The following SHROOM4 variants were observed in gnomAD, a reference collection of about 807,000 sequenced individuals.
SHROOM4 encodes the protein protein Shroom4.
In SHROOM4, 17 loss-of-function variants were observed where a neutral mutation model predicts 80.3. The ratio of observed to expected loss-of-function variants is 0.21; its 90% CI spans 0.14 to 0.32. The LOEUF is 0.32. Ranked by LOEUF, SHROOM4 falls within the 10% of genes least tolerant of loss-of-function variation. SHROOM4 has a pLI of 1.00. For synonymous variants in SHROOM4, 400 were observed against 437.5 expected (o/e 0.91, Z 1.07); for missense variants, 993 against 1,140.3 (o/e 0.87, Z 1.86).
intron 1 of SHROOM4, among the ~76,000 whole-genome samples, chrX:50,750,503 C>T (rs1169131405): frequency 8.9e-6 from 1 of 111,929 alleles, no homozygotes; most frequent in African/African-American, 3.2e-5. Context: ...CTCAGGTGAT[C>T]CACTCGCCTC....
intron 1 of SHROOM4, among the ~76,000 whole-genome samples, chrX:50,719,210 A>G (rs1934042669): frequency 8.9e-6 from 1 of 111,953 alleles, no homozygotes; most frequent in Non-Finnish European, 1.9e-5. Context: ...AGTCCTTCAA[A>G]GAGAAAGGAC....
At chrX:50,580,052 C>T in the SHROOM4 span, among the ~76,000 whole-genome samples, 33 of 111,744 alleles carry the variant, frequency 3.0e-4, no homozygotes, top group African/African-American at 9.8e-4. Flanking sequence ...TCTCACTTCT[C>T]CCTCACATCC....
chrX:50,652,482 G>C (rs183089952), intron 2 of SHROOM4, among the ~76,000 whole-genome samples: 2 of 111,627 alleles, frequency 1.8e-5, no homozygotes, highest in South Asian at 3.7e-4. Flanking sequence ...CCCTTTGTCA[G>C]ATGGATAGAT....
chrX:50,626,656 G>A (rs782545909), intron 5 of SHROOM4, among the ~76,000 whole-genome samples: 21 of 111,714 alleles, frequency 1.9e-4, no homozygotes, highest in Admixed American at 1.5e-3. Context: ...TTTCAATTGC[G>A]CAATCAAGTT....
intron 2 of SHROOM4, among the ~76,000 whole-genome samples, chrX:50,672,648 A>G (rs1932809674): frequency 9.0e-6 from 1 of 110,963 alleles, no homozygotes; most frequent in Admixed American, 9.6e-5. Flanking sequence ...ACTTCCCCAA[A>G]TTTGGCAAAA....
Position 50,598,530 on chromosome X carries a change from C to G in SHROOM4, c.3948G>C (p.Gln1316His), listed in dbSNP as rs1557247104. ...VDHELAQKKI[Q>H]LIESISRKLS... is the part of the protein sequence containing the mutation. ...GTTTTCTGCTGATGCTTTCGATAAG[C>G]TGTATCTAGGGGAATTAAACAGGAG... Residue 1316 changes from glutamine to histidine, a missense_variant, in exon 8 of 9, where the codon CAG (glutamine) becomes CAC (histidine). By Grantham distance (24) the Gln-to-His change is conservative (BLOSUM62 0). Coordinates refer to ENST00000376020, the MANE Select transcript of SHROOM4 (RefSeq NM_020717.5). The G allele has an allele frequency of 8.3e-7, 1 of 1,202,652 alleles. No individual in the cohort carries two copies. The highest frequency in any genetic ancestry group is 1.1e-6 in the Non-Finnish European group (1 of 891,315).
chrX:50,666,063 C>T (rs1932678825), intron 2 of SHROOM4, among the ~76,000 whole-genome samples: 1 of 112,070 alleles, frequency 8.9e-6, no homozygotes, highest in Non-Finnish European at 1.9e-5. Context: ...AACTCAGCCC[C>T]GTTTATACAG....
intron 1 of SHROOM4, among the ~76,000 whole-genome samples, chrX:50,724,935 C>G (rs141603825): frequency 8.9e-6 from 1 of 111,905 alleles, no homozygotes; most frequent in Non-Finnish European, 1.9e-5. Context: ...ATGAGGAGCT[C>G]GGTGGATCCT....
intron 4 of SHROOM4, among the ~76,000 whole-genome samples, chrX:50,629,924 G>GA (rs1445770633): frequency 9.0e-6 from 1 of 110,515 alleles, no homozygotes; most frequent in Non-Finnish European, 1.9e-5. Flanking sequence ...CCCATTTCTT[G>GA]AGGGGGGTGG....
At chrX:50,707,826 T>C (rs7878349) in intron 1 of SHROOM4, among the ~76,000 whole-genome samples, 4,111 of 111,451 alleles carry the variant, frequency 0.037, 200 homozygotes, top group African/African-American at 0.13. Flanking sequence ...GAAGAGCTTT[T>C]AAGGTTTGAT....
intron 1 of SHROOM4, among the ~76,000 whole-genome samples, chrX:50,720,744 C>T (rs1442438296): frequency 6.3e-5 from 7 of 111,268 alleles, no homozygotes; most frequent in African/African-American, 2.3e-4. Context: ...CACAGAGGCA[C>T]TTAGTCTTAA....
intron 1 of SHROOM4, among the ~76,000 whole-genome samples, chrX:50,737,211 C>G (rs1234874711): frequency 2.7e-5 from 3 of 110,439 alleles, no homozygotes; most frequent in Non-Finnish European, 3.8e-5. Flanking sequence ...ATGAGAATAA[C>G]TTGAAAATAG....
chrX:50,688,714 A>G (rs1398759438), intron 2 of SHROOM4, among the ~76,000 whole-genome samples: 1 of 111,129 alleles, frequency 9.0e-6, no homozygotes, highest in Non-Finnish European at 1.9e-5. Flanking sequence ...CTTAGACTAG[A>G]ACCATGAGGA....
chrX:50,748,937 C>G (rs781986443), intron 1 of SHROOM4, among the ~76,000 whole-genome samples: 23 of 112,239 alleles, frequency 2.0e-4, no homozygotes, highest in African/African-American at 6.8e-4. Flanking sequence ...GATGCTGGGC[C>G]CAGTGGCTCA....
chrX:50,639,222 G>T (rs1931491874), intron 2 of SHROOM4, among the ~76,000 whole-genome samples: 1 of 111,812 alleles, frequency 8.9e-6, no homozygotes, highest in Non-Finnish European at 1.9e-5. Context: ...GTGTGGTGAA[G>T]AGTACATGTG....
intron 1 of SHROOM4, among the ~76,000 whole-genome samples, chrX:50,810,330 T>C (rs1276325528): frequency 9.0e-6 from 1 of 110,965 alleles, no homozygotes; most frequent in African/African-American, 3.3e-5. Context: ...TGAACTAGAC[T>C]TTCACACTGC....
chrX:50,590,068 G>A lies in SHROOM4; in HGVS notation c.*6627C>T, dbSNP rs1347751931. On this transcript the variant is annotated 3_prime_UTR_variant, in exon 9 of 9. Transcript: ENST00000376020. ...CTTTCCCTGTGCTTGCTAGCCAGTT[G>A]CATATTGCTATAAGCTGAATGTTTG... Among the ~76,000 whole-genome samples the A allele has an allele frequency of 1.8e-5, 2 of 111,593 alleles. No individual in the cohort carries two copies. Among genetic ancestry groups the A allele is most frequent in the African/African-American group, 6.5e-5 (2 of 30,662 alleles).
rs782409528 is a variant in SHROOM4, at chrX:50,722,817, T to C, written c.118-26880A>G. On this transcript the variant is annotated intron_variant, in intron 1 of 8. Transcript: ENST00000376020. ...ATTAGGAGAGCAGGTTTTATTTTAT[T>C]TTCTATCCTCCCTTTCCATCATTTC... Among the ~76,000 whole-genome samples the C allele has an allele frequency of 6.3e-5, 7 of 111,319 alleles. 1 individual carries two copies. Among genetic ancestry groups the C allele is most frequent in the Middle Eastern group, 9.4e-3 (2 of 212 alleles).
At chrX:50,807,138 T>C (rs1162759108) in intron 1 of SHROOM4, among the ~76,000 whole-genome samples, 1 of 112,224 alleles carries the variant, frequency 8.9e-6, no homozygotes, top group African/African-American at 3.2e-5. Context: ...AGTAATAATA[T>C]AGATTAAGCC....
Sources: gnomAD v4.1 joint callset for allele counts (sites outside exome capture counted in the v4.1 genomes callset) on GRCh38, gnomAD v4.1.1 for gene constraint, MANE v1.5 for transcripts, NCBI Gene and HGNC (gene_info 2026-07-23, HGNC 2026-07-21) for gene names.